Variants in DMD observed in about 807,000 individuals in gnomAD.
DMD encodes mutant dystrophin.
Under a neutral mutation model 330.1 loss-of-function variants are expected in DMD, and 63 were observed. That is an observed-to-expected ratio of 0.19 (90% CI 0.16 to 0.24). DMD has a LOEUF of 0.24. Ranked by LOEUF, DMD falls within the 10% of genes least tolerant of loss-of-function variation. DMD has a pLI of 1.00. For synonymous variants in DMD, 1,223 were observed against 959.8 expected (o/e 1.27, Z -5.07); for missense variants, 3,344 against 2,684.1 (o/e 1.25, Z -5.43).
At chrX:33,061,533 G>T (rs761359638) in intron 1 of DMD, among the ~76,000 whole-genome samples, 9 of 111,529 alleles carry the variant, frequency 8.1e-5, no homozygotes, top group Non-Finnish European at 1.1e-4. Context: ...CAGATATTCA[G>T]TTCTCCCCGA....
intron 2 of DMD, among the ~76,000 whole-genome samples, chrX:32,990,234 A>G (rs2092939419): frequency 9.0e-6 from 1 of 111,667 alleles, no homozygotes; most frequent in Admixed American, 9.6e-5. Flanking sequence ...TTAATCAAAT[A>G]CTTAGGGAAT....
At chrX:31,181,867 T>G (rs975258617) in intron 68 of DMD, among the ~76,000 whole-genome samples, 2 of 112,595 alleles carry the variant, frequency 1.8e-5, no homozygotes, top group Non-Finnish European at 3.7e-5. Flanking sequence ...TTTACAACTT[T>G]GTGGCTTATT....
At chrX:32,769,460 C>G (rs1002803537) in intron 7 of DMD, among the ~76,000 whole-genome samples, 2 of 111,881 alleles carry the variant, frequency 1.8e-5, no homozygotes, top group Non-Finnish European at 1.9e-5. Context: ...GGTGGGGACA[C>G]AGCCAAACCA....
intron 41 of DMD, among the ~76,000 whole-genome samples, chrX:32,326,296 A>G (rs1256336829): frequency 1.8e-5 from 2 of 112,455 alleles, no homozygotes; most frequent in Non-Finnish European, 1.9e-5. Flanking sequence ...AAAAAACACA[A>G]CTTTAGGAAC....
At chrX:32,202,313 A>G (rs950771836) in intron 44 of DMD, among the ~76,000 whole-genome samples, 1 of 112,091 alleles carries the variant, frequency 8.9e-6, no homozygotes, top group African/African-American at 3.2e-5. Flanking sequence ...GTACTTTATG[A>G]TCATAATAAA....
intron 46 of DMD, among the ~76,000 whole-genome samples, chrX:31,929,956 C>G (rs113647868): frequency 9.0e-6 from 1 of 110,993 alleles, no homozygotes; most frequent in African/African-American, 3.3e-5. Flanking sequence ...AGAAAATAAA[C>G]GATTATATTA....
At position 32,746,521 on chromosome X, in the gene DMD, G is replaced by T. The variant is rs896032764; in HGVS notation, c.650-47228C>A. ...TTCAGGACTCTCCCAGACTTACTTG[G>T]TTAGTATCTCAGGGAGTGAGACCCA... is the stretch of plus-strand genomic sequence containing the variant. On this transcript the variant is annotated intron_variant, in intron 7 of 78. Transcript: ENST00000357033. 2.7e-5 allele frequency among the ~76,000 whole-genome samples: 3 copies of T among 111,596 alleles called. No individual in the cohort carries two copies. The South Asian group carries it at 1.1e-3, about 42-fold the overall frequency.
In DMD at chrX:32,595,786, C is replaced by G. The variant is rs754158494; in HGVS notation, c.1573G>C (p.Ala525Pro). ...AGTTGTTCTTCCAAAGCAGCAGTTG[C>G]GTGATCTCCACTAGATTCATCAACT... The part of the protein sequence containing the change: ...VVVDESSGDH[A>P]TAALEEQLKV... The change falls in exon 13 of 79, where the codon GCA (alanine) becomes CCA (proline). Residue 525 changes from alanine to proline, a missense_variant. Ala to Pro is a conservative substitution (Grantham distance 27). Coordinates refer to ENST00000357033, the MANE Select transcript of DMD (RefSeq NM_004006.3). 1.7e-6 allele frequency: 2 copies of G among 1,210,106 alleles called. No homozygotes were observed.
intron 9 of DMD, among the ~76,000 whole-genome samples, chrX:32,649,089 C>G (rs922465026): frequency 5.3e-4 from 58 of 109,795 alleles, no homozygotes; most frequent in African/African-American, 1.9e-3. Context: ...AGAGGCATGA[C>G]AGTGAATGGA....
At chrX:32,595,407 A>C (rs889184562) in intron 13 of DMD, among the ~76,000 whole-genome samples, 1 of 111,709 alleles carries the variant, frequency 9.0e-6, no homozygotes, top group African/African-American at 3.3e-5. Flanking sequence ...GGGTGCTTTC[A>C]ATTGTTATTT....
intron 64 of DMD, among the ~76,000 whole-genome samples, chrX:31,211,075 CT>C (rs2044620026): frequency 8.9e-6 from 1 of 111,809 alleles, no homozygotes; most frequent in Admixed American, 9.5e-5. Flanking sequence ...TTCATGGAAG[CT>C]GAGACTTTCT....
intron 43 of DMD, among the ~76,000 whole-genome samples, chrX:32,222,408 G>T (rs1203530473): frequency 9.0e-6 from 1 of 111,426 alleles, no homozygotes; most frequent in African/African-American, 3.3e-5. Flanking sequence ...AGCTCCAGAA[G>T]AAAAGAAATA....
At chrX:31,191,555 A>G (rs537359080) in intron 67 of DMD, among the ~76,000 whole-genome samples, 1 of 111,107 alleles carries the variant, frequency 9.0e-6, no homozygotes, top group East Asian at 2.8e-4. Flanking sequence ...TGAGTCTCAC[A>G]CTATCTGATG....
chrX:31,229,701 G>A (rs752997083), intron 63 of DMD, among the ~76,000 whole-genome samples: 2 of 111,675 alleles, frequency 1.8e-5, no homozygotes, highest in Admixed American at 9.5e-5. Context: ...AACTACTACT[G>A]CCTGCCTATT....
At chrX:32,296,492 T>G (rs773659604) in intron 42 of DMD, among the ~76,000 whole-genome samples, 9 of 111,445 alleles carry the variant, frequency 8.1e-5, no homozygotes, top group Non-Finnish European at 1.5e-4. Flanking sequence ...AATTACTAAA[T>G]AAGGATGTCT....
At chrX:32,418,284 G>A (rs185340065) in intron 29 of DMD, among the ~76,000 whole-genome samples, 26 of 111,067 alleles carry the variant, frequency 2.3e-4, no homozygotes, top group African/African-American at 8.5e-4. Flanking sequence ...ATAAAGCAAA[G>A]GCAAAGGAGA....
chrX:31,522,068 G>C (rs1416335137), intron 55 of DMD, among the ~76,000 whole-genome samples: 1 of 110,327 alleles, frequency 9.1e-6, no homozygotes, highest in African/African-American at 3.3e-5. Flanking sequence ...CAGCCCTGTG[G>C]GAACAAAGAA....
chrX:32,949,488 T>C (rs1569545118), intron 2 of DMD, among the ~76,000 whole-genome samples: 1 of 110,351 alleles, frequency 9.1e-6, no homozygotes, highest in East Asian at 2.9e-4. Context: ...TATTAAGAAA[T>C]AGTAAACTAC....
chrX:32,960,916 TAAAAA>T (rs59425093), intron 2 of DMD, among the ~76,000 whole-genome samples: 6 of 68,692 alleles, frequency 8.7e-5, no homozygotes, highest in African/African-American at 2.6e-4. Context: ...GCACCATTTG[TAAAAA>T]AAAAAAAAAA....
Sources: gnomAD v4.1 joint callset for allele counts (sites outside exome capture counted in the v4.1 genomes callset) on GRCh38, gnomAD v4.1.1 for gene constraint, MANE v1.5 for transcripts, NCBI Gene and HGNC (gene_info 2026-07-23, HGNC 2026-07-21) for gene names.